UBE2G1: variants seen among roughly 807,000 people sequenced by gnomAD.
The protein encoded by UBE2G1 is ubiquitin conjugating enzyme E2 G1, also known as ubiquitin-conjugating enzyme E2 G1.
Under a neutral mutation model 22.7 loss-of-function variants are expected in UBE2G1, and 5 were observed. That is an observed-to-expected ratio of 0.22 (90% confidence interval 0.12 to 0.46). The LOEUF (loss-of-function observed/expected upper bound fraction) is 0.46, where lower values mean the gene tolerates loss of function less well. Among genes scored for constraint, UBE2G1 ranks in the 20% least tolerant of loss-of-function variants. The pLI is 0.99. For missense variants in UBE2G1, 88 were observed against 203.9 expected (o/e 0.43, Z 3.46); for synonymous variants, 74 against 67.5 (o/e 1.10, Z -0.47).
intron 1 of UBE2G1, among the ~76,000 whole-genome samples, chr17:4,309,330 A>G (rs1969281967): frequency 6.6e-6 from 1 of 152,242 alleles, no homozygotes; most frequent in Non-Finnish European, 1.5e-5. Context: ...GGAGATTTTT[A>G]TAAGTCTAAC....
intron 1 of UBE2G1, among the ~76,000 whole-genome samples, chr17:4,316,271 G>A (rs1283347086): frequency 2.0e-5 from 3 of 152,134 alleles, no homozygotes; most frequent in Non-Finnish European, 4.4e-5. Flanking sequence ...TGGCTGCAAG[G>A]TATATGTCTG....
Position 4,272,329 on chromosome 17 carries a change from A to T in UBE2G1, c.*225T>A, listed in dbSNP as rs191548738. 4 of 171,380 alleles carry T rather than the reference A, an allele frequency of 2.3e-5. No homozygotes were observed. The highest frequency in any genetic ancestry group is 3.7e-5 in the Non-Finnish European group (3 of 80,216). The allele number at this position is 171,380 out of a possible 1,614,324, so 10.6% of individuals were successfully genotyped here. The stretch of plus-strand genomic sequence containing the variant: ...TACAATTCTTCCTGAAGGTTAAAAC[A>T]GTTCATTAGAATTCAAAATGCGTAA... On this transcript the variant is annotated 3_prime_UTR_variant, in exon 6 of 6. Transcript: ENST00000396981.
chr17:4,321,836 T>A (rs1969442959), intron 1 of UBE2G1, among the ~76,000 whole-genome samples: 1 of 152,128 alleles, frequency 6.6e-6, no homozygotes. Flanking sequence ...AATATTTACA[T>A]TTAAACCCCT....
intron 4 of UBE2G1, among the ~76,000 whole-genome samples, chr17:4,286,693 A>G (rs1216101135): frequency 1.3e-5 from 2 of 152,190 alleles, no homozygotes; most frequent in Admixed American, 6.5e-5. Flanking sequence ...AAGGGTTAAT[A>G]AAGTAATTTT....
chr17:4,294,933 C>A (rs893381), intron 3 of UBE2G1, among the ~76,000 whole-genome samples: 144,154 of 150,314 alleles, frequency 0.96, 69,410 homozygotes, highest in East Asian at 1. Flanking sequence ...GAGAAACGTA[C>A]GTGAGGGAGG....
At chr17:4,300,907 T>C (rs1969169782) in intron 2 of UBE2G1, among the ~76,000 whole-genome samples, 1 of 147,948 alleles carries the variant, frequency 6.8e-6, no homozygotes, top group African/African-American at 2.5e-5. Flanking sequence ...GAGGTTGCAG[T>C]GAGCAACAGA....
intron 2 of UBE2G1, chr17:4,301,566 G>A: frequency 3.0e-6 from 4 of 1,335,140 alleles, no homozygotes; most frequent in Non-Finnish European, 3.2e-6. Flanking sequence ...TTGGCCCAAT[G>A]TAGTTTTGTG....
intron 1 of UBE2G1, among the ~76,000 whole-genome samples, chr17:4,330,204 G>A (rs1184004391): frequency 6.6e-6 from 1 of 152,138 alleles, no homozygotes; most frequent in Non-Finnish European, 1.5e-5. Context: ...CAGGAGACAT[G>A]GGGACAGCAA....
intron 1 of UBE2G1, among the ~76,000 whole-genome samples, chr17:4,357,288 A>G (rs1969916485): frequency 6.6e-6 from 1 of 152,018 alleles, no homozygotes; most frequent in Non-Finnish European, 1.5e-5. Flanking sequence ...CAAGAGTAGT[A>G]ATGCCGGCAT....
intron 1 of UBE2G1, among the ~76,000 whole-genome samples, chr17:4,353,008 G>A (rs1243056480): frequency 1.3e-5 from 2 of 152,144 alleles, no homozygotes; most frequent in East Asian, 1.9e-4. Context: ...CACGAGGTCA[G>A]GAGATCGAGA....
intron 1 of UBE2G1, among the ~76,000 whole-genome samples, chr17:4,356,883 CT>C (rs906016537): frequency 1.3e-5 from 2 of 152,072 alleles, no homozygotes; most frequent in African/African-American, 4.8e-5. Flanking sequence ...TTACAGGTGA[CT>C]TTTTTTAAAA....
rs1969008673 is a variant in UBE2G1, at chr17:4,289,497, A to G, written c.248-89T>C. 2.2e-6 allele frequency: 3 copies of G among 1,350,274 alleles called. No individual in the cohort carries two copies. The African/African-American group carries it at 4.4e-5, about 20-fold the overall frequency. The allele number at this position is 1,350,274 out of a possible 1,614,324, so 83.6% of individuals were successfully genotyped here. On this transcript the variant is annotated intron_variant, in intron 3 of 5. Coordinates refer to ENST00000396981, the MANE Select transcript of UBE2G1 (RefSeq NM_003342.5). ...TTACAAATGTGATCCTGATTCACACAGTACCTTTATCAAACATGACACATA... is the reference window on the plus strand; with the variant it reads ...TTACAAATGTGATCCTGATTCACACGGTACCTTTATCAAACATGACACATA...
At chr17:4,343,595 CTT>C (rs111670323) in intron 1 of UBE2G1, among the ~76,000 whole-genome samples, 3 of 148,226 alleles carry the variant, frequency 2.0e-5, no homozygotes, top group Admixed American at 1.3e-4. Context: ...AACCTTTTTT[CTT>C]TTTTTTTTTG....
At chr17:4,356,127 G>A (rs1194623846) in intron 1 of UBE2G1, among the ~76,000 whole-genome samples, 5 of 148,972 alleles carry the variant, frequency 3.4e-5, no homozygotes, top group Admixed American at 6.7e-5. Context: ...AGGCTGAAGC[G>A]GGCAGATCAC....
intron 1 of UBE2G1, among the ~76,000 whole-genome samples, chr17:4,326,785 C>T (rs1369760648): frequency 6.6e-6 from 1 of 152,202 alleles, no homozygotes; most frequent in African/African-American, 2.4e-5. Flanking sequence ...ATACATTCTA[C>T]AACATGAATG....
intron 2 of UBE2G1, among the ~76,000 whole-genome samples, chr17:4,306,694 C>T (rs1278535792): frequency 6.6e-6 from 1 of 151,976 alleles, no homozygotes; most frequent in African/African-American, 2.4e-5. Flanking sequence ...CTCTGTCACC[C>T]AGGCTGGAGT....
intron 1 of UBE2G1, among the ~76,000 whole-genome samples, chr17:4,326,861 C>T (rs909585388): frequency 6.6e-6 from 1 of 152,256 alleles, no homozygotes; most frequent in African/African-American, 2.4e-5. Flanking sequence ...TATGAGTCCA[C>T]TTACATGAAA....
chr17:4,323,960 T>C (rs1969473425), intron 1 of UBE2G1, among the ~76,000 whole-genome samples: 1 of 152,204 alleles, frequency 6.6e-6, no homozygotes, highest in South Asian at 2.1e-4. Flanking sequence ...GCAAGGATGA[T>C]CAATGGATGC....
intron 5 of UBE2G1, among the ~76,000 whole-genome samples, 191 bp from the exon 6 acceptor site, chr17:4,272,707 CCATT>C (rs1349517082): frequency 6.6e-6 from 1 of 152,054 alleles, no homozygotes; most frequent in Non-Finnish European, 1.5e-5. Flanking sequence ...AAATTAATTG[CCATT>C]AAGTACAATT....
Sources: gnomAD v4.1 joint callset for allele counts (sites outside exome capture counted in the v4.1 genomes callset) on GRCh38, gnomAD v4.1.1 for gene constraint, MANE v1.5 for transcripts, NCBI Gene and HGNC (gene_info 2026-07-23, HGNC 2026-07-21) for gene names.